The following SPATA2L variants were observed in gnomAD, a reference collection of about 807,000 sequenced individuals.
The protein encoded by SPATA2L is spermatogenesis associated 2 like.
SPATA2L carries 5 observed loss-of-function variants against 8.7 expected under a neutral mutation model. The observed-to-expected ratio is 0.57, with a 90% CI of 0.30 to 1.21. The LOEUF (loss-of-function observed/expected upper bound fraction) is 1.21. SPATA2L is among the 50% of genes most tolerant of loss of function. The probability of loss-of-function intolerance (pLI) is 0.07; values close to 1 mark genes in which losing one functional copy is unlikely to be tolerated. For synonymous variants in SPATA2L, 358 were observed against 275.8 expected, an observed-to-expected ratio of 1.30 and a Z score of -2.95; for missense variants, 671 against 591.0, an observed-to-expected ratio of 1.14 and a Z score of -1.40.
Position 89,698,030 on chromosome 16 carries a change from G to C in SPATA2L, c.579C>G (p.Ala193=). The change falls in exon 3 of 3, where the codon GCC becomes GCG. Residue 193 remains alanine, a synonymous_variant. Coordinates refer to ENST00000289805, the MANE Select transcript of SPATA2L (RefSeq NM_152339.4). ...LQARRASGDV[A]SCVAWLQQRL... is the part of the protein sequence containing the mutation. ...GCTGCTGCAGCCAGGCCACACAGGAGGCCACGTCCCCGCTGGCACGCCGTG... is the reference window on the plus strand; with the variant it reads ...GCTGCTGCAGCCAGGCCACACAGGACGCCACGTCCCCGCTGGCACGCCGTG... 1.9e-6 allele frequency: 3 copies of C among 1,598,790 alleles called. No individual in the cohort carries two copies. The highest frequency in any genetic ancestry group is 2.5e-6 in the Non-Finnish European group (3 of 1,176,780).
Position 89,696,609 on chromosome 16 carries a change from T to C in SPATA2L, c.*725A>G, listed in dbSNP as rs2151608151. 1.0e-5 allele frequency: 6 copies of C among 596,754 alleles called. No homozygotes were observed. Among genetic ancestry groups the C allele is most frequent in the Middle Eastern group, 4.4e-4 (1 of 2,252 alleles). 37.0% of individuals were successfully genotyped at this position (596,754 alleles called of 1,614,324 possible). On this transcript the variant is annotated 3_prime_UTR_variant, in exon 3 of 3. Transcript: ENST00000289805. The stretch of plus-strand genomic sequence containing the variant: ...TGGAGGGGAGGGGCACCATTACCAC[T>C]GGACCCACCAAGACCCCGCCGCCTG...
In SPATA2L at chr16:89,697,636, G is replaced by T. The variant is rs764308172; in HGVS notation, c.973C>A (p.Pro325Thr). 96 of 1,607,460 alleles carry T rather than the reference G, an allele frequency of 6.0e-5. 1 individual carries two copies. Among genetic ancestry groups the T allele is most frequent in the Non-Finnish European group, 7.6e-6 (9 of 1,179,852 alleles). The change falls in exon 3 of 3, where the codon CCT becomes ACT. Residue 325 changes from proline to threonine, a missense_variant. By Grantham distance (38) the Pro-to-Thr change is conservative (BLOSUM62 -1). Coordinates refer to ENST00000289805, the MANE Select transcript of SPATA2L (RefSeq NM_152339.4). ...GGGCTGGCCGCTGCAGAGCTTTCAG[G>T]GGTGGCCAGGTCCCCAGGCCTACTC... ...ELSRPGDLAT[P>T]ESSAAASPRR...
rs1285907864 is a variant in SPATA2L, at chr16:89,698,118, A to T, written c.491T>A (p.Ile164Asn). The T allele has an allele frequency of 1.2e-6, 2 of 1,607,240 alleles. No homozygotes were observed. The highest frequency in any genetic ancestry group is 2.2e-5 in the South Asian group (2 of 90,792). Residue 164 changes from isoleucine to asparagine, a missense_variant, in exon 3 of 3, where the codon ATC (isoleucine) becomes AAC (asparagine). Coordinates refer to ENST00000289805, the MANE Select transcript of SPATA2L (RefSeq NM_152339.4). ...GCFALRLECE[I>N]LGEVLAQLGT... Reference sequence around the variant, plus strand: ...CAGCTGGGCCAGCACCTCACCCAGGATCTCACACTCCAGCCGGAGGGCGAA... The same window carrying T: ...CAGCTGGGCCAGCACCTCACCCAGGTTCTCACACTCCAGCCGGAGGGCGAA...
chr16:89,700,016 G>C (rs2060765481), intron 2 of SPATA2L, among the ~76,000 whole-genome samples: 1 of 152,198 alleles, frequency 6.6e-6, no homozygotes, highest in Non-Finnish European at 1.5e-5. Context: ...CACTGAGCTC[G>C]GGGCTTTGAT....
At chr16:89,700,348 T>C (rs1327891155) in intron 2 of SPATA2L, among the ~76,000 whole-genome samples, 4 of 152,142 alleles carry the variant, frequency 2.6e-5, no homozygotes, top group Non-Finnish European at 5.9e-5. Flanking sequence ...CCCAGTGACG[T>C]CATCGGCTTC....
In SPATA2L at chr16:89,696,876, G is replaced by A; in HGVS notation, c.*458C>T. On this transcript the variant is annotated 3_prime_UTR_variant, in exon 3 of 3. Coordinates refer to ENST00000289805, the MANE Select transcript of SPATA2L (RefSeq NM_152339.4). ...TGGCTCCAGCAGAGCTTGGGGTGGG[G>A]GGAGCTCGGTGTCACCAACAGGCCC... is the stretch of plus-strand genomic sequence containing the variant. 1 of 1,534,822 alleles carries A rather than the reference G, an allele frequency of 6.5e-7. No homozygotes were observed. The highest frequency in any genetic ancestry group is 1.2e-5 in the South Asian group (1 of 83,816).
In SPATA2L at chr16:89,696,693, T is replaced by C. The variant is rs2060728652; in HGVS notation, c.*641A>G. On this transcript the variant is annotated 3_prime_UTR_variant, in exon 3 of 3. Transcript: ENST00000289805. The stretch of plus-strand genomic sequence containing the variant: ...CAGTGACGCTCAGGGCCTTCCCAGC[T>C]GTCAGCCACTGCCCGTTCCTGCGCC... The C allele has an allele frequency of 2.4e-6, 3 of 1,258,312 alleles. No individual in the cohort carries two copies. In the African/African-American group the frequency reaches 4.4e-5, roughly 19 times the overall value. 77.9% of individuals were successfully genotyped at this position (1,258,312 alleles called of 1,614,324 possible).
chr16:89,697,359 T>G lies in SPATA2L; in HGVS notation c.1250A>C (p.Tyr417Ser). The G allele has an allele frequency of 6.5e-7, 1 of 1,541,638 alleles. No homozygotes were observed. Among genetic ancestry groups the G allele is most frequent in the Non-Finnish European group, 8.8e-7 (1 of 1,142,100 alleles). Residue 417 changes from tyrosine (Y) to serine (S), a missense_variant, in exon 3 of 3, where the codon TAC (tyrosine) becomes TCC (serine). Transcript: ENST00000289805. ...LQRAQMDTLLYNSPGARP is the reference protein window; with the variant it reads ...LQRAQMDTLLSNSPGARP ...CTAGGGCCGGGCCCCGGGGCTGTTG[T>G]AGAGCAGAGTGTCCATCTGTGCACG...
chr16:89,699,928 C>T (rs1168970983), intron 2 of SPATA2L, among the ~76,000 whole-genome samples: 1 of 152,218 alleles, frequency 6.6e-6, no homozygotes. Flanking sequence ...TCTCCTGACT[C>T]TCAAATTCCC....
Position 89,696,819 on chromosome 16 carries a change from G to T in SPATA2L, c.*515C>A. ...GGAGGGCCGGCGTCCCCGAAGCCAG[G>T]TCAGCCGTGCACCCGGCAGAGCCCC... On this transcript the variant is annotated 3_prime_UTR_variant, in exon 3 of 3. Transcript: ENST00000289805. 6.5e-7 allele frequency: 1 copy of T among 1,534,894 alleles called. No homozygotes were observed. Among genetic ancestry groups the T allele is most frequent in the Admixed American group, 2.0e-5 (1 of 50,890 alleles).
chr16:89,698,443 C>A, intron 2 of SPATA2L, 138 bp from the exon 3 acceptor site: 1 of 672,494 alleles, frequency 1.5e-6, no homozygotes, highest in Non-Finnish European at 2.4e-6. Context: ...TAGGCTTAGC[C>A]AGCTTGGGCC....
At chr16:89,701,331 G>A (rs905582968) in intron 1 of SPATA2L, 98 bp from the exon 2 acceptor site, 32 of 1,228,952 alleles carry the variant, frequency 2.6e-5, no homozygotes, top group Non-Finnish European at 3.2e-5. Flanking sequence ...AGGACCCCTC[G>A]AGCCTGGAGA....
intron 2 of SPATA2L, among the ~76,000 whole-genome samples, chr16:89,699,836 C>T (rs2060764048): frequency 6.6e-6 from 1 of 152,222 alleles, no homozygotes; most frequent in Non-Finnish European, 1.5e-5. Context: ...AGGCGTGAGC[C>T]ACCGCGCCCG....
intron 2 of SPATA2L, 47 bp from the exon 3 acceptor site, chr16:89,698,352 C>G: frequency 1.3e-6 from 2 of 1,524,072 alleles, no homozygotes; most frequent in Non-Finnish European, 1.8e-6. Flanking sequence ...TCCCATAGGC[C>G]AGACCCTAGG....
At position 89,697,158 on chromosome 16, in the gene SPATA2L, C is replaced by A; in HGVS notation, c.*176G>T. On this transcript the variant is annotated 3_prime_UTR_variant, in exon 3 of 3. Coordinates refer to ENST00000289805, the MANE Select transcript of SPATA2L (RefSeq NM_152339.4). ...CGGCTTAGGCCTGCTGCCCTTGGAG[C>A]CTTCCATATACAGAGAGTCCCACCT... 1 of 1,375,558 alleles carries A rather than the reference C, an allele frequency of 7.3e-7. No homozygotes were observed. The highest frequency in any genetic ancestry group is 1.9e-5 in the South Asian group (1 of 51,914). The allele number at this position is 1,375,558 out of a possible 1,614,324, so 85.2% of individuals were successfully genotyped here.
rs1476765210 is a variant in SPATA2L at position 89,696,670 on chromosome 16, G to T, written c.*664C>A. The T allele has an allele frequency of 1.9e-6, 2 of 1,081,040 alleles. No homozygotes were observed. Among genetic ancestry groups the T allele is most frequent in the East Asian group, 2.7e-5 (1 of 37,422 alleles). The allele number at this position is 1,081,040 out of a possible 1,614,324, so 67.0% of individuals were successfully genotyped here. A position where few individuals can be genotyped will look rare whatever the true frequency, so the allele number is the denominator to read the frequency against. On this transcript the variant is annotated 3_prime_UTR_variant, in exon 3 of 3. Transcript: ENST00000289805. ...CCACAGGCCCTTCCGCCCAGCAGCA[G>T]TGACGCTCAGGGCCTTCCCAGCTGT... is the stretch of plus-strand genomic sequence containing the variant.
In SPATA2L at chr16:89,697,088, G is replaced by C. The variant is rs905748127; in HGVS notation, c.*246C>G. The C allele has an allele frequency of 7.2e-7, 1 of 1,381,450 alleles. No homozygotes were observed. Among genetic ancestry groups the C allele is most frequent in the South Asian group, 1.9e-5 (1 of 53,430 alleles). 85.6% of individuals were successfully genotyped at this position (1,381,450 alleles called of 1,614,324 possible). A position where few individuals can be genotyped will look rare whatever the true frequency, so the allele number is the denominator to read the frequency against. On this transcript the variant is annotated 3_prime_UTR_variant, in exon 3 of 3. Coordinates refer to ENST00000289805, the MANE Select transcript of SPATA2L (RefSeq NM_152339.4). ...CTCTACCCAGCACATGTGGGCATGC[G>C]TCTGGGTTCCGAGGGTGGGGAAATG...
In SPATA2L at chr16:89,697,782, C is replaced by T. The variant is rs11541226; in HGVS notation, c.827G>A (p.Arg276Gln). ...CTCCTCAGCTGGGGGCTCCCAGGCC[C>T]GGCCCCCAGTGCCCCACAGTTTGGC... The part of the protein sequence containing the change: ...QSAKLWGTGG[R>Q]AWEPPAEELP... Residue 276 changes from arginine (R) to glutamine (Q), a missense_variant, in exon 3 of 3, where the codon CGG (arginine) becomes CAG (glutamine). Coordinates refer to ENST00000289805, the MANE Select transcript of SPATA2L (RefSeq NM_152339.4). 14,007 of 1,599,876 alleles carry T rather than the reference C, an allele frequency of 8.8e-3. 99 individuals are homozygous for T. Among genetic ancestry groups the T allele is most frequent in the Admixed American group, 0.02 (1,173 of 58,224 alleles).
chr16:89,698,314 G>T lies in SPATA2L; in HGVS notation c.304-9C>A. The stretch of plus-strand genomic sequence containing the variant: ...TAGCCCCCAGAGAAGGTCTGCAAGG[G>T]AGCGGCCAGGTCAGTGACTGCCCAC... On this transcript the variant is annotated splice_polypyrimidine_tract_variant and intron_variant, in intron 2 of 2. Coordinates refer to ENST00000289805, the MANE Select transcript of SPATA2L (RefSeq NM_152339.4). The T allele has an allele frequency of 1.9e-6, 3 of 1,547,928 alleles. No individual in the cohort carries two copies. The highest frequency in any genetic ancestry group is 1.2e-5 in the South Asian group (1 of 80,812).
Sources: allele counts gnomAD v4.1 joint callset (sites outside exome capture counted in the v4.1 genomes callset), GRCh38; gene constraint gnomAD v4.1.1; transcripts MANE v1.5; gene names NCBI Gene and HGNC (gene_info 2026-07-23, HGNC 2026-07-21).